Variants in SPG7 observed in about 807,000 individuals in gnomAD.
The protein encoded by SPG7 is mitochondrial inner membrane m-AAA protease component paraplegin.
In SPG7, 103 loss-of-function variants were observed where a neutral mutation model predicts 81.9. The observed-to-expected ratio is 1.26, with a 90% confidence interval of 1.07 to 1.48. The LOEUF (loss-of-function observed/expected upper bound fraction) is 1.48, where lower values mean the gene tolerates loss of function less well. Among genes scored for constraint, SPG7 ranks in the 40% most tolerant of loss-of-function variants. The pLI, the probability that SPG7 is intolerant of heterozygous loss-of-function variation, is 0.00. For missense variants in SPG7, 1,241 were observed against 1,087.3 expected (o/e 1.14, Z -1.99); for synonymous variants, 534 against 444.2 (o/e 1.20, Z -2.54).
In SPG7 at chr16:89,508,475, C is replaced by T. The variant is rs863224222; in HGVS notation, c.58C>T (p.Arg20Trp). 2 of 1,509,172 alleles carry T rather than the reference C, an allele frequency of 1.3e-6. No homozygotes were observed. Among genetic ancestry groups the T allele is most frequent in the East Asian group, 2.7e-5 (1 of 37,490 alleles). The allele number at this position is 1,509,172 out of a possible 1,614,324, so 93.5% of individuals were successfully genotyped here. A position where few individuals can be genotyped will look rare whatever the true frequency, so the allele number is the denominator to read the frequency against. The stretch of plus-strand genomic sequence containing the variant: ...CCGCCGGGGTCCAGGCCCGGGTCCT[C>T]GGCCGCTGTGGGGCCCAGGCCCGGC... ...ALRRGPGPGPRPLWGPGPAWS... is the reference protein window; with the variant it reads ...ALRRGPGPGPWPLWGPGPAWS... The change falls in exon 1 of 17, where the codon CGG (arginine) becomes TGG (tryptophan). Residue 20 changes from arginine (R) to tryptophan (W), a missense_variant. Arg to Trp is a moderately radical substitution (Grantham distance 101). Transcript: ENST00000645818.
Position 89,524,126 on chromosome 16 carries a change from C to G in SPG7, c.497C>G (p.Ser166Cys). The G allele has an allele frequency of 2.5e-6, 4 of 1,614,114 alleles. No individual in the cohort carries two copies. The highest frequency in any genetic ancestry group is 3.4e-6 in the Non-Finnish European group (4 of 1,180,038). The change falls in exon 4 of 17, where the codon TCC (serine) becomes TGC (cysteine). Residue 166 changes from serine (S) to cysteine (C), a missense_variant. Coordinates refer to ENST00000645818, the MANE Select transcript of SPG7 (RefSeq NM_003119.4). Reference sequence around the variant, plus strand: ...CTCAGCACCAGCGGAGGCAGCATTTCCTGGAACGACTTTGTCCACGAGATG... The same window carrying G: ...CTCAGCACCAGCGGAGGCAGCATTTGCTGGAACGACTTTGTCCACGAGATG... ...NALSTSGGSI[S>C]WNDFVHEMLA... is the part of the protein sequence containing the mutation.
At chr16:89,538,691 G>A (rs2058459487) in intron 9 of SPG7, 1 of 152,490 alleles carries the variant, frequency 6.6e-6, no homozygotes, top group Admixed American at 6.5e-5. Flanking sequence ...TCTAGCTTCT[G>A]TCCGTGGCTT....
intron 13 of SPG7, chr16:89,551,223 C>T (rs1368454124): frequency 5.7e-6 from 1 of 176,958 alleles, no homozygotes; most frequent in Non-Finnish European, 1.2e-5. Flanking sequence ...ACGCAGGTGC[C>T]GTCTTTACAG....
Position 89,536,959 on chromosome 16 carries a change from A to G in SPG7, c.1324+4323A>G, listed in dbSNP as rs371317550. On this transcript the variant is annotated intron_variant, in intron 9 of 16. Transcript: ENST00000645818. ...GACTTGAGCCCAAAGGCAAGCGTAT[A>G]TCAAACGATCTTCTCCACATAACCT... 1.5e-4 allele frequency: 246 copies of G among 1,614,098 alleles called. No homozygotes were observed. The Middle Eastern group carries it at 3.3e-3, about 22-fold the overall frequency.
At chr16:89,536,771 C>G (rs767069894) in intron 9 of SPG7, 2 of 1,613,928 alleles carry the variant, frequency 1.2e-6, no homozygotes, top group Non-Finnish European at 1.7e-6. Context: ...CCAGGTGCCT[C>G]TCTTGACCAG....
Position 89,508,538 on chromosome 16 carries a change from C to A in SPG7, c.121C>A (p.Arg41=). 4 of 1,511,674 alleles carry A rather than the reference C, an allele frequency of 2.6e-6. No individual in the cohort carries two copies. Among genetic ancestry groups the A allele is most frequent in the South Asian group, 2.5e-5 (2 of 81,312 alleles). 93.6% of individuals were successfully genotyped at this position (1,511,674 alleles called of 1,614,324 possible). A position where few individuals can be genotyped will look rare whatever the true frequency, so the allele number is the denominator to read the frequency against. ...GTTCCCCGCCAGGCCCGGGAGGGGG[C>A]GGCCGTACATGGCCAGCAGGCCTCC... ...PGFPARPGRG[R]PYMASRPPGD... is the part of the protein sequence containing the mutation. Residue 41 remains arginine (R), a synonymous_variant, in exon 1 of 17, where the codon CGG becomes AGG. Coordinates refer to ENST00000645818, the MANE Select transcript of SPG7 (RefSeq NM_003119.4).
At position 89,553,123 on chromosome 16, in the gene SPG7, G is replaced by A. The variant is rs1202120338; in HGVS notation, c.1924G>A (p.Glu642Lys). 3.7e-6 allele frequency: 6 copies of A among 1,608,774 alleles called. No homozygotes were observed. The East Asian group carries it at 6.7e-5, about 18-fold the overall frequency. The change falls in exon 14 of 17, where the codon GAG becomes AAG. Residue 642 changes from glutamate to lysine, a missense_variant. Glu to Lys is a moderately conservative substitution (Grantham distance 56). Transcript: ENST00000645818. Reference protein sequence around the residue: ...GRASEALSFNEVTSGAQDDLR... With the variant: ...GRASEALSFNKVTSGAQDDLR... Reference sequence around the variant, plus strand: ...GGCCTCGGAAGCACTGTCCTTCAACGAGGTCACTTCTGGTGAGGAGCAGCG... The same window carrying A: ...GGCCTCGGAAGCACTGTCCTTCAACAAGGTCACTTCTGGTGAGGAGCAGCG...
In SPG7 at chr16:89,544,550, GTC is replaced by G. The variant is rs560062637; in HGVS notation, c.1325-91_1325-90del. Reference sequence around the variant, plus strand: ...TCCTTTCTCTCTGGGCCTTAGGGGGGTCTCTCTCCCTCCTGTGTCCTGAAGGG... The same window carrying G: ...TCCTTTCTCTCTGGGCCTTAGGGGGGTCTCTCCCTCCTGTGTCCTGAAGGG... On this transcript the variant is annotated intron_variant, in intron 9 of 16. Transcript: ENST00000645818. The G allele has an allele frequency of 3.5e-6, 5 of 1,422,562 alleles. No individual in the cohort carries two copies. In the African/African-American group the frequency reaches 7.0e-5, roughly 20 times the overall value. 88.1% of individuals were successfully genotyped at this position (1,422,562 alleles called of 1,614,324 possible). A position where few individuals can be genotyped will look rare whatever the true frequency, so the allele number is the denominator to read the frequency against.
At chr16:89,511,885 C>T (rs1259682353) in intron 2 of SPG7, among the ~76,000 whole-genome samples, 1 of 150,510 alleles carries the variant, frequency 6.6e-6, no homozygotes, top group African/African-American at 2.4e-5. Context: ...CGTACAGCTA[C>T]ATTTTTGTGT....
At chr16:89,526,178 C>T (rs1487570716) in intron 4 of SPG7, 151 bp from the exon 5 acceptor site, 32 of 895,966 alleles carry the variant, frequency 3.6e-5, no homozygotes, top group Non-Finnish European at 5.2e-5. Context: ...AACCGTCGTA[C>T]GTTAGGAATC....
chr16:89,557,199 A>C lies in SPG7; in HGVS notation c.*106A>C. ...GTTTGCACTTCCTCTCGCGGCCCTCAGTAGTCCCTGCACAGTGACTTCTGA... is the reference window on the plus strand; with the variant it reads ...GTTTGCACTTCCTCTCGCGGCCCTCCGTAGTCCCTGCACAGTGACTTCTGA... On this transcript the variant is annotated 3_prime_UTR_variant, in exon 17 of 17. Coordinates refer to ENST00000645818, the MANE Select transcript of SPG7 (RefSeq NM_003119.4). 1 of 751,552 alleles carries C rather than the reference A, an allele frequency of 1.3e-6. No individual in the cohort carries two copies. The highest frequency in any genetic ancestry group is 2.1e-5 in the Admixed American group (1 of 47,856). 46.6% of individuals were successfully genotyped at this position (751,552 alleles called of 1,614,324 possible).
In SPG7 at chr16:89,550,628, C is replaced by T. The variant is rs1295520343; in HGVS notation, c.1779+19C>T. On this transcript the variant is annotated intron_variant, in intron 13 of 16. Coordinates refer to ENST00000645818, the MANE Select transcript of SPG7 (RefSeq NM_003119.4). ...GATGAAGGTGGGTCTTGGCAGGTGC[C>T]GGCTCCACGGGCCTTGGCCAAAGGT... 6 of 1,567,098 alleles carry T rather than the reference C, an allele frequency of 3.8e-6. No homozygotes were observed. The highest frequency in any genetic ancestry group is 2.2e-5 in the East Asian group (1 of 44,700).
intron 3 of SPG7, chr16:89,520,198 T>A (rs1017561295): frequency 6.5e-6 from 1 of 152,764 alleles, no homozygotes; most frequent in Non-Finnish European, 1.5e-5. Context: ...GGAAGGTACC[T>A]GCAGCCCTGG....
intron 4 of SPG7, among the ~76,000 whole-genome samples, chr16:89,525,197 G>T (rs1213867965): frequency 6.6e-6 from 1 of 152,022 alleles, no homozygotes; most frequent in Non-Finnish European, 1.5e-5. Flanking sequence ...TGAACTCCTG[G>T]CCTCAAGTGA....
In SPG7 at chr16:89,531,936, G is replaced by A. The variant is rs114413981; in HGVS notation, c.1020G>A (p.Lys340=). ...AACGCTTCCTCCAGCTTGGCGCCAA[G>A]GTCCCAAAGGGCGCACTGCTGCTCG... The part of the protein sequence containing the change: ...SPERFLQLGA[K]VPKGALLLGP... Residue 340 remains lysine (K), a synonymous_variant, in exon 8 of 17, where the codon AAG becomes AAA. Coordinates refer to ENST00000645818, the MANE Select transcript of SPG7 (RefSeq NM_003119.4). 1.2e-6 allele frequency: 2 copies of A among 1,614,140 alleles called. No homozygotes were observed. The highest frequency in any genetic ancestry group is 2.7e-5 in the African/African-American group (2 of 75,068).
intron 3 of SPG7, chr16:89,523,732 G>C (rs1488963029): frequency 1.8e-6 from 1 of 570,958 alleles, no homozygotes; most frequent in East Asian, 4.0e-5. Context: ...CCAGGTCTAA[G>C]TGTTTCGATT....
chr16:89,557,073 G>T lies in SPG7; in HGVS notation c.2368G>T (p.Glu790Ter). The change falls in exon 17 of 17, where the codon GAG becomes TAG. Residue 790 changes from glutamate (E) to a stop codon, truncating the protein, a stop_gained. Coordinates refer to ENST00000645818, the MANE Select transcript of SPG7 (RefSeq NM_003119.4). LOFTEE classifies it high-confidence loss of function. Reference protein sequence around the residue: ...ETQQPPLGGEEPTWPK With the variant: ...ETQQPPLGGE Reference sequence around the variant, plus strand: ...CCAGCAGCCTCCACTTGGAGGCGAAGAGCCGACTTGGCCCAAGTAGTTGGG... The same window carrying T: ...CCAGCAGCCTCCACTTGGAGGCGAATAGCCGACTTGGCCCAAGTAGTTGGG... 1.9e-6 allele frequency: 3 copies of T among 1,611,660 alleles called. No homozygotes were observed. Among genetic ancestry groups the T allele is most frequent in the Non-Finnish European group, 2.5e-6 (3 of 1,179,958 alleles).
chr16:89,554,631 C>A (rs766282826), intron 16 of SPG7, 68 bp downstream of exon 16: 2 of 1,045,730 alleles, frequency 1.9e-6, no homozygotes, highest in African/African-American at 3.1e-5. Context: ...ACGGTCCCCA[C>A]CCCTCTCGTG....
chr16:89,532,832 C>T, intron 9 of SPG7, 196 bp downstream of exon 9: 2 of 669,774 alleles, frequency 3.0e-6, no homozygotes, highest in Non-Finnish European at 5.1e-6. Context: ...GCCTGTAATC[C>T]CAGCACTTTG....
Sources: gnomAD v4.1 joint callset for allele counts (sites outside exome capture counted in the v4.1 genomes callset) on GRCh38, gnomAD v4.1.1 for gene constraint, MANE v1.5 for transcripts, NCBI Gene and HGNC (gene_info 2026-07-23, HGNC 2026-07-21) for gene names.